Variants in REC114 observed in about 807,000 individuals in gnomAD.
REC114 encodes REC114 meiotic recombination protein.
A neutral mutation model predicts 31.3 loss-of-function variants in REC114; 27 were observed. The ratio of observed to expected loss-of-function variants is 0.86; its 90% CI spans 0.64 to 1.19. The LOEUF is 1.19. Ranked by LOEUF, REC114 falls within the 50% of genes most tolerant of loss-of-function variation. REC114 has a pLI of 0.00. For synonymous variants in REC114, 134 were observed against 127.7 expected (o/e 1.05, Z -0.33); for missense variants, 344 against 326.9 (o/e 1.05, Z -0.40).
intron 2 of REC114, among the ~76,000 whole-genome samples, chr15:73,532,251 T>TG (rs1213050600): frequency 1.3e-5 from 2 of 150,890 alleles, no homozygotes; most frequent in East Asian, 3.9e-4. Context: ...TTTTTGTTCT[T>TG]GCGATAGTTT....
intron 2 of REC114, chr15:73,483,465 T>C (rs1297245897): frequency 6.5e-6 from 1 of 153,002 alleles, no homozygotes; most frequent in Non-Finnish European, 1.5e-5. Flanking sequence ...TTTTTGAGCA[T>C]CTTTTTCCTC....
intron 2 of REC114, among the ~76,000 whole-genome samples, chr15:73,500,375 T>A (rs1191056160): frequency 6.6e-6 from 1 of 152,046 alleles, no homozygotes; most frequent in Non-Finnish European, 1.5e-5. Flanking sequence ...AAAACTTGTT[T>A]CCCCAAAGAA....
chr15:73,474,897 C>T (rs1283011760), intron 2 of REC114, among the ~76,000 whole-genome samples: 4 of 152,132 alleles, frequency 2.6e-5, no homozygotes, highest in South Asian at 4.1e-4. Flanking sequence ...TCTCATTGAA[C>T]GTGAGATGAC....
chr15:73,464,874 G>A (rs8043384), intron 1 of REC114, among the ~76,000 whole-genome samples: 5,337 of 152,006 alleles, frequency 0.035, 122 homozygotes, highest in Non-Finnish European at 0.055. Context: ...GGCTGTCTTG[G>A]ATGATGTGTT....
Position 73,491,789 on chromosome 15 carries a change from A to G in REC114, c.249+17868A>G, listed in dbSNP as rs139173581. On this transcript the variant is annotated intron_variant, in intron 2 of 5. Coordinates refer to ENST00000331090, the MANE Select transcript of REC114 (RefSeq NM_001042367.2). ...GTGGCACATGCCTGTAAGCCCAGCT[A>G]CTTGGGAGGCTGAGGCAGGAGAATC... Among the ~76,000 whole-genome samples the G allele has an allele frequency of 9.3e-4, 141 of 152,168 alleles. No individual in the cohort carries two copies. In the East Asian group the frequency reaches 0.02, roughly 21 times the overall value.
rs147929284 is a variant in REC114 at position 73,496,511 on chromosome 15, G to A, written c.249+22590G>A. On this transcript the variant is annotated intron_variant, in intron 2 of 5. Transcript: ENST00000331090. ...CTACAAAAAACACAAAAATTAGCCA[G>A]ACGTGGTGGCGGACACCTGTAATCC... is the stretch of plus-strand genomic sequence containing the variant. Among the ~76,000 whole-genome samples, 719 of 151,724 alleles carry A rather than the reference G, an allele frequency of 4.7e-3. 8 individuals are homozygous for A. The highest frequency in any genetic ancestry group is 7.4e-3 in the Non-Finnish European group (503 of 67,934).
intron 2 of REC114, among the ~76,000 whole-genome samples, chr15:73,486,376 A>G (rs943426620): frequency 6.6e-6 from 1 of 152,156 alleles, no homozygotes; most frequent in Non-Finnish European, 1.5e-5. Context: ...GATTACAGGC[A>G]TGAGCCACTG....
intron 2 of REC114, among the ~76,000 whole-genome samples, chr15:73,480,301 C>T (rs544867371): frequency 7.9e-4 from 120 of 151,078 alleles, no homozygotes; most frequent in Middle Eastern, 3.4e-3. Context: ...AATGGAGTTT[C>T]GTTCTGTCAC....
rs1894093512 is a variant in REC114, at chr15:73,532,091, G to A, written c.250-8394G>A. ...GCTGGTGAGCTGCACCCACTAACTC[G>A]TCATCTAGCATTAGGTATATCTCCC... On this transcript the variant is annotated intron_variant, in intron 2 of 5. Coordinates refer to ENST00000331090, the MANE Select transcript of REC114 (RefSeq NM_001042367.2). 2.0e-5 allele frequency among the ~76,000 whole-genome samples: 3 copies of A among 149,390 alleles called. No individual in the cohort carries two copies. In the South Asian group the frequency reaches 6.4e-4, roughly 32 times the overall value.
intron 2 of REC114, among the ~76,000 whole-genome samples, chr15:73,518,605 C>T (rs190942161): frequency 2.6e-4 from 39 of 152,316 alleles, no homozygotes; most frequent in Non-Finnish European, 4.3e-4. Flanking sequence ...CCTGCTCACC[C>T]CTGGAGGTGG....
chr15:73,527,696 G>T (rs1384170903), intron 2 of REC114, among the ~76,000 whole-genome samples: 1 of 152,224 alleles, frequency 6.6e-6, no homozygotes, highest in Middle Eastern at 3.4e-3. Context: ...TGACATCACA[G>T]CTTTTGTATT....
chr15:73,512,940 G>A (rs1240428063), intron 2 of REC114, among the ~76,000 whole-genome samples: 2 of 151,536 alleles, frequency 1.3e-5, no homozygotes, highest in Admixed American at 6.6e-5. Flanking sequence ...TGCTCTTCTC[G>A]AGGAGTATCT....
At chr15:73,523,665 T>G (rs1287818108) in intron 2 of REC114, among the ~76,000 whole-genome samples, 1 of 152,256 alleles carries the variant, frequency 6.6e-6, no homozygotes, top group Admixed American at 6.5e-5. Context: ...TTCATTTTCT[T>G]AACGTTGCCT....
chr15:73,470,624 A>T (rs1370071059), intron 1 of REC114, among the ~76,000 whole-genome samples: 3 of 152,300 alleles, frequency 2.0e-5, no homozygotes, highest in Non-Finnish European at 4.4e-5. Context: ...GGAAAAAAAA[A>T]TCTCTATCTT....
intron 5 of REC114, among the ~76,000 whole-genome samples, chr15:73,558,066 T>C (rs966887824): frequency 6.6e-6 from 1 of 152,126 alleles, no homozygotes; most frequent in African/African-American, 2.4e-5. Flanking sequence ...AGGCTGCACA[T>C]GGTGGCTCAC....
At chr15:73,464,118 G>A (rs916175502) in intron 1 of REC114, among the ~76,000 whole-genome samples, 1 of 151,188 alleles carries the variant, frequency 6.6e-6, no homozygotes, top group African/African-American at 2.4e-5. Flanking sequence ...TTTTTCTCCT[G>A]GATCTGAATC....
chr15:73,447,814 G>T (rs1892788601), intron 1 of REC114, among the ~76,000 whole-genome samples: 1 of 152,184 alleles, frequency 6.6e-6, no homozygotes, highest in South Asian at 2.1e-4. Context: ...ATTGGGACTG[G>T]TTGGACAGTG....
chr15:73,474,521 A>G (rs1370871240), intron 2 of REC114, among the ~76,000 whole-genome samples: 1 of 152,244 alleles, frequency 6.6e-6, no homozygotes, highest in Non-Finnish European at 1.5e-5. Context: ...GAATTGTACA[A>G]GAAAGGAACA....
chr15:73,454,607 T>G (rs1892892453), intron 1 of REC114, among the ~76,000 whole-genome samples: 1 of 152,242 alleles, frequency 6.6e-6, no homozygotes, highest in South Asian at 2.1e-4. Flanking sequence ...TGTACTGTTC[T>G]GAAACCCTGT....
Sources: gnomAD v4.1 joint callset for allele counts (sites outside exome capture counted in the v4.1 genomes callset) on GRCh38, gnomAD v4.1.1 for gene constraint, MANE v1.5 for transcripts, NCBI Gene and HGNC (gene_info 2026-07-23, HGNC 2026-07-21) for gene names.